Variants in RGS9 observed in about 807,000 individuals in gnomAD.
RGS9 encodes the protein regulator of G-protein signalling 9.
Under a neutral mutation model 102.0 loss-of-function variants are expected in RGS9, and 78 were observed. That is an observed-to-expected ratio of 0.76 (90% CI 0.64 to 0.92). RGS9 has a LOEUF of 0.92. RGS9 is among the 40% of genes least tolerant of loss of function. RGS9 has a pLI of 0.00. For synonymous variants in RGS9, 353 were observed against 318.6 expected (o/e 1.11, Z -1.15); for missense variants, 833 against 866.1 (o/e 0.96, Z 0.48).
chr17:65,183,416 C>T (rs1598595311), intron 9 of RGS9, among the ~76,000 whole-genome samples: 4 of 152,122 alleles, frequency 2.6e-5, no homozygotes, highest in Admixed American at 2.6e-4. Context: ...AGCCACCACG[C>T]CTGGCCTTTA....
rs998344084 is a variant in RGS9, at chr17:65,197,188, G to A, written c.923G>A (p.Arg308Gln). Residue 308 changes from arginine (R) to glutamine (Q), a missense_variant, in exon 13 of 19, where the codon CGA becomes CAA. Coordinates refer to ENST00000262406, the MANE Select transcript of RGS9 (RefSeq NM_003835.4). ...RWAFNFSELI[R>Q]DPKGRQSFQY... ...GCCTTCAACTTCAGCGAATTGATCC[G>A]AGACCCCAAAGGTCGACAGAGCTTC... 3.7e-6 allele frequency: 6 copies of A among 1,613,918 alleles called. No individual in the cohort carries two copies. The highest frequency in any genetic ancestry group is 3.3e-5 in the Admixed American group (2 of 60,000).
At chr17:65,196,192 C>A (rs528468299) in intron 12 of RGS9, among the ~76,000 whole-genome samples, 1 of 152,330 alleles carries the variant, frequency 6.6e-6, no homozygotes, top group East Asian at 1.9e-4. Flanking sequence ...ACGCACAGTA[C>A]CTCACATAGG....
intron 1 of RGS9, among the ~76,000 whole-genome samples, chr17:65,143,371 A>G (rs1038019672): frequency 2.0e-5 from 3 of 152,218 alleles, no homozygotes; most frequent in African/African-American, 7.2e-5. Context: ...TAGTCCAGGA[A>G]GGGGGTTAGA....
chr17:65,203,408 C>T (rs1366046947), intron 14 of RGS9, among the ~76,000 whole-genome samples: 1 of 152,210 alleles, frequency 6.6e-6, no homozygotes, highest in East Asian at 1.9e-4. Context: ...AAATCTGCTA[C>T]AGGAAGCCCG....
chr17:65,196,209 C>T (rs771592095), intron 12 of RGS9, among the ~76,000 whole-genome samples: 17 of 152,208 alleles, frequency 1.1e-4, no homozygotes, highest in African/African-American at 2.4e-4. Flanking sequence ...TAGGACAATG[C>T]TTTGTGAATG....
chr17:65,137,525 C>G lies in RGS9; in HGVS notation c.-16C>G. On this transcript the variant is annotated 5_prime_UTR_variant, in exon 1 of 19. It adds an upstream start codon to the 5' untranslated region. Transcript: ENST00000262406. ...TCCCACTGGTGCTCTGGCTGTGAAT[C>G]CATCCAGGGGCCAGGATGACAATCC... The G allele has an allele frequency of 6.2e-7, 1 of 1,610,426 alleles. No homozygotes were observed. Among genetic ancestry groups the G allele is most frequent in the African/African-American group, 1.3e-5 (1 of 74,978 alleles).
At chr17:65,213,160 AC>A (rs1380643358) in intron 17 of RGS9, among the ~76,000 whole-genome samples, 1 of 141,984 alleles carries the variant, frequency 7.0e-6, no homozygotes, top group Non-Finnish European at 1.5e-5. Flanking sequence ...CCGACTGGGA[AC>A]CCGGGCTGGG....
At chr17:65,182,318 C>A (rs1388223132) in intron 9 of RGS9, among the ~76,000 whole-genome samples, 3 of 152,222 alleles carry the variant, frequency 2.0e-5, no homozygotes, top group Non-Finnish European at 4.4e-5. Context: ...GCTGACAGCT[C>A]CCTGCGTGCC....
At chr17:65,189,811 A>C (rs1598601232) in intron 10 of RGS9, among the ~76,000 whole-genome samples, 1 of 152,216 alleles carries the variant, frequency 6.6e-6, no homozygotes, top group Non-Finnish European at 1.5e-5. Context: ...ATGCTGCAGA[A>C]TCAGGAAGTT....
chr17:65,193,398 T>C, intron 11 of RGS9, 145 bp from the exon 12 acceptor site: 1 of 691,320 alleles, frequency 1.4e-6, no homozygotes, highest in Non-Finnish European at 2.7e-6. Context: ...GGTTATTTGA[T>C]TTGAGGAAAT....
In RGS9 at chr17:65,137,408, C is replaced by T; in HGVS notation, c.-133C>T. 4 of 862,834 alleles carry T rather than the reference C, an allele frequency of 4.6e-6. No individual in the cohort carries two copies. Among genetic ancestry groups the T allele is most frequent in the Non-Finnish European group, 7.7e-6 (4 of 522,812 alleles). The allele number at this position is 862,834 out of a possible 1,614,324, so 53.4% of individuals were successfully genotyped here. ...TAGTGAGAGTCAGGGGGGCCCGGCCCGCGCCCTCCCCGCCCAGCCGCCTCC... is the reference window on the plus strand; with the variant it reads ...TAGTGAGAGTCAGGGGGGCCCGGCCTGCGCCCTCCCCGCCCAGCCGCCTCC... On this transcript the variant is annotated 5_prime_UTR_variant, in exon 1 of 19. Coordinates refer to ENST00000262406, the MANE Select transcript of RGS9 (RefSeq NM_003835.4).
At chr17:65,183,692 G>A (rs887491235) in intron 9 of RGS9, among the ~76,000 whole-genome samples, 3 of 152,128 alleles carry the variant, frequency 2.0e-5, no homozygotes, top group South Asian at 2.1e-4. Context: ...AGTGCTGCCC[G>A]ATTCCTCACG....
intron 9 of RGS9, chr17:65,189,019 AG>A (rs1912248975): frequency 1.9e-6 from 1 of 538,338 alleles, no homozygotes; most frequent in African/African-American, 1.9e-5. Context: ...TTTCAAATTT[AG>A]TCCTTAATTG....
intron 8 of RGS9, among the ~76,000 whole-genome samples, chr17:65,170,096 C>A (rs888399665): frequency 6.7e-6 from 1 of 149,418 alleles, no homozygotes; most frequent in Non-Finnish European, 1.5e-5. Flanking sequence ...GCTCTGTCAC[C>A]CAGGCTGGAG....
Position 65,137,427 on chromosome 17 carries a change from C to T in RGS9, c.-114C>T. 1 of 1,069,540 alleles carries T rather than the reference C, an allele frequency of 9.3e-7. No individual in the cohort carries two copies. The highest frequency in any genetic ancestry group is 1.4e-6 in the Non-Finnish European group (1 of 702,348). The allele number at this position is 1,069,540 out of a possible 1,614,324, so 66.3% of individuals were successfully genotyped here. Reference sequence around the variant, plus strand: ...CCGGCCCGCGCCCTCCCCGCCCAGCCGCCTCCCCGTCGACGCCCAGGGCTG... The same window carrying T: ...CCGGCCCGCGCCCTCCCCGCCCAGCTGCCTCCCCGTCGACGCCCAGGGCTG... On this transcript the variant is annotated 5_prime_UTR_variant, in exon 1 of 19. Transcript: ENST00000262406.
chr17:65,175,786 C>T (rs1319903234), intron 8 of RGS9, among the ~76,000 whole-genome samples: 2 of 152,078 alleles, frequency 1.3e-5, no homozygotes, highest in Admixed American at 6.5e-5. Context: ...CATGGTAGCC[C>T]GGTGAGCTAG....
intron 17 of RGS9, among the ~76,000 whole-genome samples, chr17:65,212,671 T>C (rs1281927290): frequency 1.3e-5 from 2 of 152,152 alleles, no homozygotes; most frequent in Non-Finnish European, 2.9e-5. Flanking sequence ...TGGTCACTGG[T>C]TTCATGTTAG....
Position 65,173,469 on chromosome 17 carries a change from CA to C in RGS9, c.583-4262del, listed in dbSNP as rs2144026554. Reference sequence around the variant, plus strand: ...TCCTCACGAGCAGTTGTCACGAGTACAGGAGCTCCTTTCCTGACCTGAATGA... The same window carrying C: ...TCCTCACGAGCAGTTGTCACGAGTACGGAGCTCCTTTCCTGACCTGAATGA... On this transcript the variant is annotated intron_variant, in intron 8 of 18. Transcript: ENST00000262406. The surrounding 1 kb of genome is among the most constrained non-coding windows in gnomAD (Gnocchi z 4.8). 6.6e-6 allele frequency among the ~76,000 whole-genome samples: 1 copy of C among 152,056 alleles called. No individual in the cohort carries two copies. Among genetic ancestry groups the C allele is most frequent in the East Asian group, 1.9e-4 (1 of 5,148 alleles).
At chr17:65,199,515 A>ATTTTT (rs1912736369) in intron 13 of RGS9, among the ~76,000 whole-genome samples, 2 of 64,252 alleles carry the variant, frequency 3.1e-5, no homozygotes. Flanking sequence ...TTTTTTTTTG[A>ATTTTT]CAAATTCTCA....
Sources: allele counts gnomAD v4.1 joint callset (sites outside exome capture counted in the v4.1 genomes callset), GRCh38; gene constraint gnomAD v4.1.1; non-coding constraint Gnocchi (gnomAD v3.1); transcripts MANE v1.5; gene names NCBI Gene and HGNC (gene_info 2026-07-23, HGNC 2026-07-21).